UCHL5: variants seen among roughly 807,000 people sequenced by gnomAD.
The protein encoded by UCHL5 is ubiquitin C-terminal hydrolase L5, also known as ubiquitin carboxyl-terminal hydrolase isozyme L5.
UCHL5 carries 34 observed loss-of-function variants against 53.8 expected under a neutral mutation model. That is an observed-to-expected ratio of 0.63 (90% CI 0.48 to 0.84). The LOEUF (loss-of-function observed/expected upper bound fraction) is 0.84, where lower values mean the gene tolerates loss of function less well. Among genes scored for constraint, UCHL5 ranks in the 40% least tolerant of loss-of-function variants. The pLI is 0.00. For synonymous variants in UCHL5, 111 were observed against 126.3 expected (o/e 0.88, Z 0.81); for missense variants, 290 against 385.6 (o/e 0.75, Z 2.08).
intron 9 of UCHL5, among the ~76,000 whole-genome samples, chr1:193,021,629 A>G (rs1657045692): frequency 6.6e-6 from 1 of 152,226 alleles, no homozygotes; most frequent in Non-Finnish European, 1.5e-5. Context: ...AAAAATTTCT[A>G]CTTCAGTGGA....
At chr1:193,022,089 A>G (rs879801376) in intron 9 of UCHL5, among the ~76,000 whole-genome samples, 2 of 151,916 alleles carry the variant, frequency 1.3e-5, no homozygotes, top group African/African-American at 2.4e-5. Context: ...GAAAGCTATT[A>G]TTTTTTCCTT....
chr1:193,016,934 T>C (rs540457765), intron 10 of UCHL5, among the ~76,000 whole-genome samples: 36 of 151,850 alleles, frequency 2.4e-4, no homozygotes, highest in Non-Finnish European at 4.9e-4. Context: ...ATTACAATTA[T>C]ATAGCTTGAA....
At chr1:193,027,822 C>A in intron 7 of UCHL5, 1 of 1,061,386 alleles carries the variant, frequency 9.4e-7, no homozygotes, top group Non-Finnish European at 1.3e-6. Flanking sequence ...TGCATTAACC[C>A]AATCAAAAGT....
intron 3 of UCHL5, among the ~76,000 whole-genome samples, chr1:193,036,874 T>C (rs188812489): frequency 6.5e-4 from 99 of 151,260 alleles, no homozygotes; most frequent in Non-Finnish European, 1.1e-3. Flanking sequence ...CACAAACACA[T>C]AGAGATTAAA....
upstream of UCHL5, chr1:193,059,535 A>G: frequency 1.3e-6 from 2 of 1,558,502 alleles, no homozygotes; most frequent in African/African-American, 1.4e-5. This position sits in a 1 kb window ranked among gnomAD's most constrained non-coding sequence, Gnocchi z 4.9. Flanking sequence ...AAGGGCGGTG[A>G]TTCACAGCGC....
At chr1:193,036,316 C>CAAAAAAA (rs1663391524) in intron 3 of UCHL5, among the ~76,000 whole-genome samples, 1 of 73,524 alleles carries the variant, frequency 1.4e-5, no homozygotes, top group African/African-American at 5.3e-5. Context: ...CAACTGGAAA[C>CAAAAAAA]CAAAAAAAAA....
chr1:193,023,389 A>G (rs1657900351), intron 8 of UCHL5, among the ~76,000 whole-genome samples: 1 of 152,160 alleles, frequency 6.6e-6, no homozygotes, highest in Admixed American at 6.5e-5. Flanking sequence ...CTCCAATGAC[A>G]TTTACTATAG....
At chr1:193,044,083 C>T (rs748347182) in intron 3 of UCHL5, among the ~76,000 whole-genome samples, 16 of 152,272 alleles carry the variant, frequency 1.1e-4, no homozygotes, top group Non-Finnish European at 1.9e-4. Flanking sequence ...TGGTCTTGGT[C>T]GAACTCTACA....
chr1:193,059,568 C>G (rs898079732), upstream of UCHL5: 13 of 1,508,742 alleles, frequency 8.6e-6, no homozygotes, highest in Middle Eastern at 5.3e-4. The surrounding 1 kb of genome is among the most constrained non-coding windows in gnomAD (Gnocchi z 4.9). Flanking sequence ...ATCCGGGATC[C>G]TCGCCCCTCT....
intron 3 of UCHL5, among the ~76,000 whole-genome samples, chr1:193,046,718 T>A (rs1479713070): frequency 6.8e-6 from 1 of 148,038 alleles, no homozygotes; most frequent in Non-Finnish European, 1.5e-5. Context: ...TTTTTGTATA[T>A]TTAAATTTAA....
intron 10 of UCHL5, 97 bp downstream of exon 10, chr1:193,021,000 A>C (rs1052815177): frequency 2.5e-5 from 22 of 867,530 alleles, no homozygotes; most frequent in Non-Finnish European, 3.5e-5. Flanking sequence ...ACAAGCTTCC[A>C]AAAATTTTAC....
rs1196508708 is a variant in UCHL5 at position 193,043,161 on chromosome 1, A to T, written c.246+6585T>A. Among the ~76,000 whole-genome samples the T allele has an allele frequency of 5.1e-4, 73 of 143,618 alleles. 5 individuals are homozygous for T. The highest frequency in any genetic ancestry group is 5.7e-4 in the Non-Finnish European group (38 of 66,572). 94.2% of individuals were successfully genotyped at this position (143,618 alleles called of 152,430 possible). A position where few individuals can be genotyped will look rare whatever the true frequency, so the allele number is the denominator to read the frequency against. ...ACAGCTCTTGAATATTAAAAAAAAA[A>T]AAAAAAAAAAAAAAACCACCTATTT... On this transcript the variant is annotated intron_variant, in intron 3 of 10. Transcript: ENST00000367454.
At chr1:193,016,901 A>G (rs980791900) in intron 10 of UCHL5, among the ~76,000 whole-genome samples, 1 of 151,942 alleles carries the variant, frequency 6.6e-6, no homozygotes, top group East Asian at 1.9e-4. Flanking sequence ...AAATGTTTTT[A>G]CATACTAGTT....
rs904915117 is a variant in UCHL5 at position 193,015,032 on chromosome 1, T to C, written c.*1319A>G. 6.6e-6 allele frequency: 1 copy of C among 152,064 alleles called. No homozygotes were observed. Among genetic ancestry groups the C allele is most frequent in the Admixed American group, 6.6e-5 (1 of 15,250 alleles). 9.4% of individuals were successfully genotyped at this position (152,064 alleles called of 1,614,324 possible). On this transcript the variant is annotated 3_prime_UTR_variant, in exon 11 of 11. Transcript: ENST00000367454. Reference sequence around the variant, plus strand: ...ATTACTGTATCAACAGCAAAACATATTTACCCACAAATAACTGAGAGACTA... The same window carrying C: ...ATTACTGTATCAACAGCAAAACATACTTACCCACAAATAACTGAGAGACTA...
chr1:193,056,379 TTA>T (rs1670628708), intron 1 of UCHL5, among the ~76,000 whole-genome samples: 1 of 152,202 alleles, frequency 6.6e-6, no homozygotes, highest in African/African-American at 2.4e-5. Context: ...CTGATCTTTA[TTA>T]TTTCCTGTCA....
chr1:193,045,568 C>T (rs1005840799), intron 3 of UCHL5, among the ~76,000 whole-genome samples: 3 of 152,142 alleles, frequency 2.0e-5, no homozygotes, highest in African/African-American at 7.2e-5. Context: ...CCCAAGAAGC[C>T]GAGCAGATGC....
chr1:193,014,654 A>G lies in UCHL5; in HGVS notation c.*1697T>C, dbSNP rs1436382680. On this transcript the variant is annotated 3_prime_UTR_variant, in exon 11 of 11. Transcript: ENST00000367454. ...AGGGGGTCATTGTTCACTTTTTTCT[A>G]TATGGATATTCAGCTATTCTATTCT... The G allele has an allele frequency of 1.3e-5, 2 of 152,130 alleles. No homozygotes were observed. Among genetic ancestry groups the G allele is most frequent in the African/African-American group, 4.8e-5 (2 of 41,438 alleles). The allele number at this position is 152,130 out of a possible 1,614,324, so 9.4% of individuals were successfully genotyped here.
At chr1:193,056,967 C>A (rs1670803226) in intron 1 of UCHL5, among the ~76,000 whole-genome samples, 1 of 152,180 alleles carries the variant, frequency 6.6e-6, no homozygotes, top group South Asian at 2.1e-4. Context: ...ATTTATATAT[C>A]ATTCTTTCAT....
chr1:193,055,135 CT>C (rs1670210647), intron 1 of UCHL5, among the ~76,000 whole-genome samples: 1 of 152,184 alleles, frequency 6.6e-6, no homozygotes, highest in Non-Finnish European at 1.5e-5. Flanking sequence ...TGGGTTTCTC[CT>C]GTTTCTGCAC....
Sources: allele counts gnomAD v4.1 joint callset (sites outside exome capture counted in the v4.1 genomes callset), GRCh38; gene constraint gnomAD v4.1.1; non-coding constraint Gnocchi (gnomAD v3.1); transcripts MANE v1.5; gene names NCBI Gene and HGNC (gene_info 2026-07-23, HGNC 2026-07-21).